Variants in TARBP1 observed in about 807,000 individuals in gnomAD.
The protein encoded by TARBP1 is tRNA guanosine 2 -O-methyltransferase TARBP1.
Under a neutral mutation model 178.6 loss-of-function variants are expected in TARBP1, and 144 were observed. The ratio of observed to expected loss-of-function variants is 0.81; its 90% CI spans 0.70 to 0.93. The LOEUF is 0.93. Among genes scored for constraint, TARBP1 ranks in the 40% least tolerant of loss-of-function variants. The probability of loss-of-function intolerance (pLI) is 0.00; values close to 1 mark genes in which losing one functional copy is unlikely to be tolerated. For synonymous variants in TARBP1, 787 were observed against 781.0 expected, an observed-to-expected ratio of 1.01 and a Z score of -0.13; for missense variants, 2,067 against 2,011.7, an observed-to-expected ratio of 1.03 and a Z score of -0.53.
intron 24 of TARBP1, among the ~76,000 whole-genome samples, chr1:234,405,650 TAGA>T (rs1661154917): frequency 6.6e-6 from 1 of 152,164 alleles, no homozygotes; most frequent in Admixed American, 6.5e-5. Context: ...TACAAGTATG[TAGA>T]AGATTATTTG....
rs772638723 is a variant in TARBP1, at chr1:234,393,703, ACTTTCCAAGT to A, written c.4368_4377del (p.Arg1456SerfsTer19). The A allele has an allele frequency of 2.5e-6, 4 of 1,613,966 alleles. No individual in the cohort carries two copies. The highest frequency in any genetic ancestry group is 2.5e-6 in the Non-Finnish European group (3 of 1,179,980). On this transcript the variant is annotated frameshift_variant, in exon 27 of 30. Transcript: ENST00000040877. LOFTEE classifies it high-confidence loss of function. ...GCCACAACGATGAGTCTACTAATTG[ACTTTCCAAGT>A]CTGGCAGCACGATCCTGAAACAGGA...
In TARBP1 at chr1:234,478,783, G is replaced by A. The variant is rs1039444417; in HGVS notation, c.321C>T (p.Cys107=). The part of the protein sequence containing the change: ...LRAAGAALRS[C]VRLAGRPQLA... ...GCTGCGGACGCCCGGCCAGGCGGAC[G>A]CACGAGCGCAGGGCCGCGCCCGCCG... The change falls in exon 1 of 30, where the codon TGC becomes TGT. Residue 107 remains cysteine (C), a synonymous_variant. Coordinates refer to ENST00000040877, the MANE Select transcript of TARBP1 (RefSeq NM_005646.4). 2 of 1,111,596 alleles carry A rather than the reference G, an allele frequency of 1.8e-6. No individual in the cohort carries two copies. The highest frequency in any genetic ancestry group is 1.7e-5 in the African/African-American group (1 of 59,734). 68.9% of individuals were successfully genotyped at this position (1,111,596 alleles called of 1,614,324 possible). A position where few individuals can be genotyped will look rare whatever the true frequency, so the allele number is the denominator to read the frequency against.
At chr1:234,403,697 T>C (rs569618138) in intron 24 of TARBP1, among the ~76,000 whole-genome samples, 1 of 152,258 alleles carries the variant, frequency 6.6e-6, no homozygotes, top group East Asian at 1.9e-4. Flanking sequence ...TGTTTATTTA[T>C]TTTTGAGACA....
chr1:234,401,096 A>G, intron 25 of TARBP1, 85 bp downstream of exon 25: 1 of 1,135,532 alleles, frequency 8.8e-7, no homozygotes, highest in South Asian at 1.4e-5. Context: ...ACTTTACCCT[A>G]ATCACAACCC....
intron 26 of TARBP1, among the ~76,000 whole-genome samples, chr1:234,395,234 G>GA (rs1003033350): frequency 1.8e-4 from 27 of 146,862 alleles, no homozygotes; most frequent in East Asian, 5.9e-4. Context: ...CCGTCTCAAA[G>GA]AAAAAAAAAA....
chr1:234,405,043 G>A (rs1312974657), intron 24 of TARBP1, among the ~76,000 whole-genome samples: 1 of 152,046 alleles, frequency 6.6e-6, no homozygotes, highest in Admixed American at 6.6e-5. Flanking sequence ...TAACTTAATG[G>A]TCACGACCAA....
intron 26 of TARBP1, among the ~76,000 whole-genome samples, chr1:234,395,714 G>T (rs531418059): frequency 5.3e-5 from 8 of 152,132 alleles, no homozygotes; most frequent in Admixed American, 5.2e-4. Context: ...GTTTCAAGTT[G>T]GGGACATTAA....
At chr1:234,425,580 G>C (rs957549553) in intron 20 of TARBP1, 93 bp downstream of exon 20, 2 of 1,314,244 alleles carry the variant, frequency 1.5e-6, no homozygotes, top group African/African-American at 3.0e-5. Flanking sequence ...CCTGACAAAA[G>C]ATATTTAGAA....
chr1:234,395,754 GAGA>G (rs1319392713), intron 26 of TARBP1, among the ~76,000 whole-genome samples: 1 of 152,160 alleles, frequency 6.6e-6, no homozygotes, highest in African/African-American at 2.4e-5. Context: ...GATGAAGAGT[GAGA>G]AGAAGACTGG....
intron 22 of TARBP1, among the ~76,000 whole-genome samples, chr1:234,417,436 A>C (rs556901382): frequency 1.4e-3 from 215 of 152,350 alleles, no homozygotes; most frequent in African/African-American, 5.1e-3. Context: ...ACAAAGAAGA[A>C]GACAAGATCA....
intron 26 of TARBP1, 40 bp from the exon 27 acceptor site, chr1:234,393,877 T>G (rs1247562156): frequency 6.8e-7 from 1 of 1,462,384 alleles, no homozygotes; most frequent in East Asian, 2.3e-5. Flanking sequence ...TATAAATAAA[T>G]CTGAATCTCT....
intron 13 of TARBP1, 36 bp from the exon 14 acceptor site, chr1:234,433,607 A>G (rs1664701035): frequency 6.4e-7 from 1 of 1,572,884 alleles, no homozygotes; most frequent in East Asian, 2.2e-5. Flanking sequence ...GGGTACAAGC[A>G]AGGTCCATGA....
At chr1:234,392,776 T>G (rs957017919) in intron 28 of TARBP1, 1 of 271,534 alleles carries the variant, frequency 3.7e-6, no homozygotes, top group Non-Finnish European at 6.8e-6. Flanking sequence ...AGTGGCGCGA[T>G]CTTGGCTCAC....
At chr1:234,431,624 C>T (rs1440694395) in intron 14 of TARBP1, among the ~76,000 whole-genome samples, 1 of 152,214 alleles carries the variant, frequency 6.6e-6, no homozygotes, top group Non-Finnish European at 1.5e-5. Flanking sequence ...TTATTGAGGA[C>T]TGTCTATCTG....
At chr1:234,402,940 G>T (rs2103047234) in intron 24 of TARBP1, among the ~76,000 whole-genome samples, 1 of 152,014 alleles carries the variant, frequency 6.6e-6, no homozygotes, top group South Asian at 2.1e-4. Flanking sequence ...CTATCGAATG[G>T]CTCTTGATAA....
intron 14 of TARBP1, among the ~76,000 whole-genome samples, chr1:234,432,324 C>T (rs188724850): frequency 6.6e-6 from 1 of 152,208 alleles, no homozygotes; most frequent in African/African-American, 2.4e-5. Flanking sequence ...CGCCTGTAGT[C>T]CCAGCTACTC....
chr1:234,437,460 G>A (rs1572323133), intron 12 of TARBP1, 88 bp from the exon 13 acceptor site: 1 of 601,420 alleles, frequency 1.7e-6, no homozygotes, highest in Non-Finnish European at 2.9e-6. Context: ...GTACAACTGG[G>A]CTAAGCACGT....
In TARBP1 at chr1:234,391,431, A is replaced by T; in HGVS notation, c.*146T>A. On this transcript the variant is annotated 3_prime_UTR_variant, in exon 30 of 30. Transcript: ENST00000040877. ...GGGGAAAATATATAGTAATATGTTT[A>T]AGGCACATGGCAAACTTTTGGCATT... The T allele has an allele frequency of 1.3e-6, 1 of 756,112 alleles. No homozygotes were observed. Among genetic ancestry groups the T allele is most frequent in the Non-Finnish European group, 2.0e-6 (1 of 490,012 alleles). 46.8% of individuals were successfully genotyped at this position (756,112 alleles called of 1,614,324 possible).
At chr1:234,458,095 G>A (rs1406935146) in intron 8 of TARBP1, among the ~76,000 whole-genome samples, 1 of 152,034 alleles carries the variant, frequency 6.6e-6, no homozygotes. Context: ...TGTAATCCCA[G>A]CACATTGGGA....
Sources: allele counts gnomAD v4.1 joint callset (sites outside exome capture counted in the v4.1 genomes callset), GRCh38; gene constraint gnomAD v4.1.1; transcripts MANE v1.5; gene names NCBI Gene and HGNC (gene_info 2026-07-23, HGNC 2026-07-21).